Variants in CDH8 observed in about 807,000 individuals in gnomAD.
CDH8 encodes the protein cadherin-8.
CDH8 carries 17 observed loss-of-function variants against 68.1 expected under a neutral mutation model. The ratio of observed to expected loss-of-function variants is 0.25; its 90% CI spans 0.17 to 0.37. The LOEUF (loss-of-function observed/expected upper bound fraction) is 0.37. Ranked by LOEUF, CDH8 falls within the 10% of genes least tolerant of loss-of-function variation. CDH8 has a pLI of 1.00. For missense variants in CDH8, 763 were observed against 999.3 expected (o/e 0.76, Z 3.19); for synonymous variants, 372 against 365.1 (o/e 1.02, Z -0.21).
chr16:61,829,963 C>T (rs1962421809), intron 4 of CDH8, among the ~76,000 whole-genome samples: 1 of 151,524 alleles, frequency 6.6e-6, no homozygotes, highest in South Asian at 2.1e-4. Flanking sequence ...TTGTGTTGGG[C>T]TTATCTACAC....
chr16:61,907,352 T>G (rs1964078585), intron 2 of CDH8, among the ~76,000 whole-genome samples: 1 of 152,082 alleles, frequency 6.6e-6, no homozygotes. Flanking sequence ...GAAGTTTCAC[T>G]CTATCAAGAA....
In CDH8 at chr16:61,857,243, TAA is replaced by T; in HGVS notation, c.548-7_548-6del. ...TGACGTTAGTGACAGATGTACCTAA[TAA>T]AATAGAGAAAGAAAAAAGATAATAA... On this transcript the variant is annotated splice_polypyrimidine_tract_variant and splice_region_variant and intron_variant, in intron 3 of 11. Coordinates refer to ENST00000577390, the MANE Select transcript of CDH8 (RefSeq NM_001796.5). 1 of 1,609,322 alleles carries T rather than the reference TAA, an allele frequency of 6.2e-7. No individual in the cohort carries two copies. Among genetic ancestry groups the T allele is most frequent in the Non-Finnish European group, 8.5e-7 (1 of 1,176,716 alleles).
intron 10 of CDH8, among the ~76,000 whole-genome samples, chr16:61,659,041 T>C (rs577781723): frequency 6.6e-6 from 1 of 152,190 alleles, no homozygotes; most frequent in Non-Finnish European, 1.5e-5. Context: ...GTATATAAAA[T>C]TTAATTGTCT....
intron 2 of CDH8, among the ~76,000 whole-genome samples, chr16:61,972,571 G>GGGGGTGTGTGTGTGTGT (rs369833002): frequency 5.3e-5 from 7 of 131,468 alleles, no homozygotes; most frequent in African/African-American, 1.9e-4. Context: ...ACACATTGTG[G>GGGGGTGTGTGTGTGTGT]GTGTGTGTGT....
intron 4 of CDH8, among the ~76,000 whole-genome samples, chr16:61,854,713 T>C (rs1391043522): frequency 1.3e-5 from 2 of 152,104 alleles, no homozygotes; most frequent in Non-Finnish European, 2.9e-5. Flanking sequence ...GCCTCTTTTT[T>C]TCTTGTTTTT....
At chr16:62,025,853 G>C (rs1196590896) in intron 1 of CDH8, among the ~76,000 whole-genome samples, 1 of 150,578 alleles carries the variant, frequency 6.6e-6, no homozygotes, top group Non-Finnish European at 1.5e-5. Flanking sequence ...TATACATATA[G>C]ATTCATATCT....
At chr16:61,807,558 G>A (rs1037656369) in intron 7 of CDH8, among the ~76,000 whole-genome samples, 4 of 152,164 alleles carry the variant, frequency 2.6e-5, no homozygotes, top group African/African-American at 4.8e-5. Flanking sequence ...CAGAGTTTCA[G>A]TGTGCGTATC....
At chr16:61,678,038 C>T (rs1011638692) in intron 10 of CDH8, among the ~76,000 whole-genome samples, 2 of 152,038 alleles carry the variant, frequency 1.3e-5, no homozygotes, top group Non-Finnish European at 2.9e-5. Context: ...TTATGGTAAT[C>T]CCGACGTTCC....
chr16:61,895,387 T>A (rs1407269303), intron 3 of CDH8, among the ~76,000 whole-genome samples: 3 of 152,180 alleles, frequency 2.0e-5, no homozygotes, highest in Non-Finnish European at 2.9e-5. Flanking sequence ...GCATTTTCCC[T>A]AATTTTCTGA....
chr16:61,854,513 C>G (rs1963005208), intron 4 of CDH8, among the ~76,000 whole-genome samples: 1 of 152,072 alleles, frequency 6.6e-6, no homozygotes, highest in Admixed American at 6.6e-5. Flanking sequence ...ACTTCCATGT[C>G]CAAGTCGGCT....
chr16:61,758,380 C>G (rs1322776036), intron 8 of CDH8, among the ~76,000 whole-genome samples: 3 of 152,072 alleles, frequency 2.0e-5, no homozygotes, highest in African/African-American at 7.2e-5. Context: ...AAAGAAGAAA[C>G]TTTTTCTGAA....
intron 9 of CDH8, chr16:61,725,624 C>T (rs2142890455): frequency 6.6e-6 from 1 of 150,694 alleles, no homozygotes; most frequent in African/African-American, 2.4e-5. Context: ...ACTCAATCTA[C>T]CAATTTAGGT....
chr16:61,953,998 A>G (rs1346302483), intron 2 of CDH8, among the ~76,000 whole-genome samples: 1 of 150,532 alleles, frequency 6.6e-6, no homozygotes, highest in African/African-American at 2.5e-5. Flanking sequence ...CTCAGAACTA[A>G]ACATTGAATA....
chr16:61,788,421 T>C (rs1024924718), intron 8 of CDH8, among the ~76,000 whole-genome samples: 2 of 152,076 alleles, frequency 1.3e-5, no homozygotes, highest in African/African-American at 4.8e-5. Flanking sequence ...TCAAATTCCC[T>C]TTACCTCAAC....
chr16:61,756,247 C>T (rs995437261), intron 8 of CDH8, among the ~76,000 whole-genome samples: 4 of 152,104 alleles, frequency 2.6e-5, no homozygotes, highest in African/African-American at 4.8e-5. Flanking sequence ...GTCACAGTTG[C>T]CTCTTCTCTG....
chr16:61,801,804 C>G (rs775745159), intron 7 of CDH8, among the ~76,000 whole-genome samples: 1 of 152,252 alleles, frequency 6.6e-6, no homozygotes, highest in Admixed American at 6.5e-5. Context: ...ACACCTGGCT[C>G]GGAGGGCCCT....
At chr16:61,978,077 A>G (rs1207414786) in intron 2 of CDH8, among the ~76,000 whole-genome samples, 2 of 152,168 alleles carry the variant, frequency 1.3e-5, no homozygotes, top group African/African-American at 2.4e-5. Context: ...ACAGATTTGT[A>G]ATATCTTTCT....
intron 3 of CDH8, among the ~76,000 whole-genome samples, chr16:61,868,966 A>C (rs1963306648): frequency 6.6e-6 from 1 of 152,182 alleles, no homozygotes; most frequent in Non-Finnish European, 1.5e-5. Flanking sequence ...AGAGTGAGAT[A>C]AGAGAAAGAA....
At chr16:61,795,554 T>A (rs2142995526) in intron 7 of CDH8, among the ~76,000 whole-genome samples, 1 of 152,198 alleles carries the variant, frequency 6.6e-6, no homozygotes, top group East Asian at 1.9e-4. Context: ...GATAAATGAT[T>A]CACATTTAGA....
Sources: gnomAD v4.1 joint callset for allele counts (sites outside exome capture counted in the v4.1 genomes callset) on GRCh38, gnomAD v4.1.1 for gene constraint, MANE v1.5 for transcripts, NCBI Gene and HGNC (gene_info 2026-07-23, HGNC 2026-07-21) for gene names.